Variants in PDSS2 observed in about 807,000 individuals in gnomAD.
PDSS2 encodes all trans-polyprenyl-diphosphate synthase PDSS2.
A neutral mutation model predicts 44.5 loss-of-function variants in PDSS2; 31 were observed. The ratio of observed to expected loss-of-function variants is 0.70; its 90% CI spans 0.52 to 0.94. The LOEUF is 0.94. PDSS2 is among the 40% of genes least tolerant of loss of function. PDSS2 has a pLI of 0.00. For synonymous variants in PDSS2, 157 were observed against 180.3 expected (o/e 0.87, Z 1.03); for missense variants, 452 against 482.2 (o/e 0.94, Z 0.59).
intron 7 of PDSS2, among the ~76,000 whole-genome samples, chr6:107,159,203 C>G (rs1771025050): frequency 6.6e-6 from 1 of 151,462 alleles, no homozygotes; most frequent in Non-Finnish European, 1.5e-5. Flanking sequence ...TCCCACCCAC[C>G]AAGATCAAGT....
chr6:107,206,180 T>G (rs1772969750), intron 6 of PDSS2, among the ~76,000 whole-genome samples: 1 of 152,142 alleles, frequency 6.6e-6, no homozygotes, highest in African/African-American at 2.4e-5. Flanking sequence ...CAAGTGATTC[T>G]CCTGTCTCAG....
chr6:107,365,154 T>C (rs960499064), intron 1 of PDSS2, among the ~76,000 whole-genome samples: 2 of 152,150 alleles, frequency 1.3e-5, no homozygotes, highest in Admixed American at 1.3e-4. Context: ...TTAAATTTTA[T>C]AAAAGATATG....
At chr6:107,346,078 T>C (rs982279364) in intron 1 of PDSS2, among the ~76,000 whole-genome samples, 1 of 152,238 alleles carries the variant, frequency 6.6e-6, no homozygotes, top group African/African-American at 2.4e-5. Context: ...ATCTCTCAAA[T>C]TATTTATGTC....
chr6:107,346,250 G>A (rs185066214), intron 1 of PDSS2, among the ~76,000 whole-genome samples: 1 of 152,150 alleles, frequency 6.6e-6, no homozygotes, highest in Admixed American at 6.5e-5. Context: ...ATCCTAGCAG[G>A]AAGAAATCTC....
chr6:107,298,472 T>C (rs761572438), intron 2 of PDSS2, among the ~76,000 whole-genome samples: 23 of 152,164 alleles, frequency 1.5e-4, no homozygotes, highest in Non-Finnish European at 3.2e-4. Flanking sequence ...CCATTTTATA[T>C]CAGAGACTAT....
intron 7 of PDSS2, among the ~76,000 whole-genome samples, chr6:107,180,605 G>A (rs1328927559): frequency 6.6e-6 from 1 of 152,028 alleles, no homozygotes; most frequent in East Asian, 1.9e-4. Flanking sequence ...AGGCTTTCAC[G>A]GTGCAATGGT....
intron 1 of PDSS2, among the ~76,000 whole-genome samples, chr6:107,346,190 A>G (rs1217381416): frequency 1.3e-5 from 2 of 152,254 alleles, no homozygotes; most frequent in African/African-American, 2.4e-5. Context: ...GGAATAAATT[A>G]CATACAGGTT....
At chr6:107,415,989 CAG>C (rs1487744620) in intron 1 of PDSS2, among the ~76,000 whole-genome samples, 2 of 152,092 alleles carry the variant, frequency 1.3e-5, no homozygotes, top group Non-Finnish European at 2.9e-5. Flanking sequence ...AGGGAAGTAA[CAG>C]GGGATATTAA....
intron 4 of PDSS2, among the ~76,000 whole-genome samples, chr6:107,240,005 G>A (rs766799346): frequency 6.6e-5 from 10 of 152,150 alleles, no homozygotes; most frequent in South Asian, 2.1e-4. Context: ...ATACAGGTCT[G>A]TGAATCCAAA....
intron 1 of PDSS2, among the ~76,000 whole-genome samples, chr6:107,444,164 AC>A (rs1376573208): frequency 1.3e-5 from 2 of 152,062 alleles, no homozygotes; most frequent in Non-Finnish European, 2.9e-5. Context: ...AGTAGCTGGG[AC>A]CACAGGCACA....
intron 4 of PDSS2, among the ~76,000 whole-genome samples, chr6:107,242,465 C>T (rs1035749514): frequency 6.6e-6 from 1 of 152,048 alleles, no homozygotes; most frequent in African/African-American, 2.4e-5. Flanking sequence ...GAGATGGTCT[C>T]GATCTCCCGA....
At chr6:107,301,986 T>C (rs944205433) in intron 2 of PDSS2, among the ~76,000 whole-genome samples, 1 of 151,830 alleles carries the variant, frequency 6.6e-6, no homozygotes, top group African/African-American at 2.4e-5. Context: ...TTAAGGTTTA[T>C]TTTTTAGGTA....
In PDSS2 at chr6:107,308,694, T is replaced by A. The variant is rs1776939752; in HGVS notation, c.431+25504A>T. On this transcript the variant is annotated intron_variant, in intron 2 of 7. Transcript: ENST00000369037. ...TTAGATGATGAGCACTTTAGATTAC[T>A]GAATGCAAGGACGTTGCTGCTACAC... Among the ~76,000 whole-genome samples, 4 of 152,350 alleles carry A rather than the reference T, an allele frequency of 2.6e-5. No individual in the cohort carries two copies. In the South Asian group the frequency reaches 8.3e-4, roughly 32 times the overall value.
chr6:107,212,042 A>G lies in PDSS2; in HGVS notation c.876+67T>C, dbSNP rs1773234560. On this transcript the variant is annotated intron_variant, in intron 5 of 7. Coordinates refer to ENST00000369037, the MANE Select transcript of PDSS2 (RefSeq NM_020381.4). ...ATATAAAAGAAGCTTATTAAATGGC[A>G]AAAGGTTTCTTGTGTGTCGTTTTAG... is the stretch of plus-strand genomic sequence containing the variant. 53 of 1,355,584 alleles carry G rather than the reference A, an allele frequency of 3.9e-5. 1 individual carries two copies. The South Asian group carries it at 6.1e-4, about 16-fold the overall frequency. The allele number at this position is 1,355,584 out of a possible 1,614,324, so 84.0% of individuals were successfully genotyped here. A position where few individuals can be genotyped will look rare whatever the true frequency, so the allele number is the denominator to read the frequency against.
At chr6:107,263,941 A>G (rs780784664) in intron 3 of PDSS2, among the ~76,000 whole-genome samples, 1 of 152,182 alleles carries the variant, frequency 6.6e-6, no homozygotes, top group Non-Finnish European at 1.5e-5. Flanking sequence ...TACCCTAGTC[A>G]TGCAAATCTA....
At chr6:107,331,183 A>G (rs1777698694) in intron 2 of PDSS2, among the ~76,000 whole-genome samples, 1 of 152,214 alleles carries the variant, frequency 6.6e-6, no homozygotes, top group Non-Finnish European at 1.5e-5. Context: ...TTACACTTGA[A>G]CAATTAAGGA....
intron 3 of PDSS2, among the ~76,000 whole-genome samples, chr6:107,259,519 GA>G (rs756236868): frequency 1.2e-4 from 18 of 151,516 alleles, no homozygotes; most frequent in Non-Finnish European, 2.7e-4. Context: ...AAAAAAAAAG[GA>G]AAAAATTAGC....
chr6:107,452,245 T>C (rs191100584), intron 1 of PDSS2, among the ~76,000 whole-genome samples: 3 of 137,328 alleles, frequency 2.2e-5, no homozygotes, highest in African/African-American at 9.2e-5. Context: ...TAGAGAGTTC[T>C]TTTTTTTTTT....
intron 1 of PDSS2, among the ~76,000 whole-genome samples, chr6:107,440,332 C>T (rs1781477855): frequency 6.6e-6 from 1 of 152,226 alleles, no homozygotes; most frequent in South Asian, 2.1e-4. Flanking sequence ...AATAAAATCA[C>T]TTCCCAACAA....
Sources: allele counts gnomAD v4.1 joint callset (sites outside exome capture counted in the v4.1 genomes callset), GRCh38; gene constraint gnomAD v4.1.1; transcripts MANE v1.5; gene names NCBI Gene and HGNC (gene_info 2026-07-23, HGNC 2026-07-21).